The following AIG1 variants were observed in gnomAD, a reference collection of about 807,000 sequenced individuals.
AIG1 encodes androgen induced 1, also known as androgen-induced gene 1 protein.
In AIG1, 23 loss-of-function variants were observed where a neutral mutation model predicts 31.4. That is an observed-to-expected ratio of 0.73 (90% CI 0.53 to 1.04). The LOEUF (loss-of-function observed/expected upper bound fraction) is 1.04, where lower values mean the gene tolerates loss of function less well. Among genes scored for constraint, AIG1 ranks in the 50% least tolerant of loss-of-function variants. The pLI is 0.00. For missense variants in AIG1, 274 were observed against 295.0 expected, an observed-to-expected ratio of 0.93 and a Z score of 0.52; for synonymous variants, 100 against 110.5, an observed-to-expected ratio of 0.90 and a Z score of 0.60.
At position 143,333,955 on chromosome 6, in the gene AIG1, A is replaced by G; in HGVS notation, c.679+510A>G. ...GATGCTCCGGCCACCTTGACTCACC[A>G]GTGGCTGTCACGGAAAGTCTGAAAG... On this transcript the variant is annotated intron_variant, in intron 5 of 5. Transcript: ENST00000357847. The surrounding 1 kb of genome is among the most constrained non-coding windows in gnomAD (Gnocchi z 4.6). 1.0e-6 allele frequency: 1 copy of G among 1,000,194 alleles called. No homozygotes were observed. Among genetic ancestry groups the G allele is most frequent in the Non-Finnish European group, 1.5e-6 (1 of 663,898 alleles). 62.0% of individuals were successfully genotyped at this position (1,000,194 alleles called of 1,614,324 possible).
chr6:143,106,916 CT>C (rs1380082057), intron 1 of AIG1, among the ~76,000 whole-genome samples: 1 of 152,162 alleles, frequency 6.6e-6, no homozygotes, highest in Non-Finnish European at 1.5e-5. Context: ...TCTCTCGGGC[CT>C]CTTTTATAAG....
At chr6:143,294,769 C>T (rs1289445583) in intron 4 of AIG1, among the ~76,000 whole-genome samples, 2 of 152,160 alleles carry the variant, frequency 1.3e-5, no homozygotes, top group East Asian at 3.9e-4. Flanking sequence ...TCCTGATACA[C>T]TCTGTTCCTC....
At chr6:143,339,481 C>T (rs920735113) in intron 5 of AIG1, 158 bp from the exon 6 acceptor site, 18 of 630,384 alleles carry the variant, frequency 2.9e-5, no homozygotes, top group Admixed American at 1.4e-4. Flanking sequence ...CATGGCTTTC[C>T]TTCTTAGCTA....
intron 3 of AIG1, among the ~76,000 whole-genome samples, chr6:143,196,173 A>G (rs1236319490): frequency 6.6e-6 from 1 of 152,228 alleles, no homozygotes; most frequent in Non-Finnish European, 1.5e-5. Context: ...ATCCTTTTCT[A>G]TATTGATCTG....
intron 1 of AIG1, among the ~76,000 whole-genome samples, chr6:143,099,831 A>G (rs1161968123): frequency 6.6e-6 from 1 of 152,156 alleles, no homozygotes; most frequent in African/African-American, 2.4e-5. Flanking sequence ...AATTGGAAGG[A>G]TGATATGTAA....
chr6:143,245,930 T>G (rs559998632), intron 3 of AIG1, among the ~76,000 whole-genome samples: 2 of 152,204 alleles, frequency 1.3e-5, no homozygotes, highest in Admixed American at 1.3e-4. Context: ...GTCCCATCTT[T>G]TGGCTTCCCT....
chr6:143,343,483 G>A (rs933937560), downstream of AIG1: 11 of 266,144 alleles, frequency 4.1e-5, no homozygotes, highest in Non-Finnish European at 7.5e-5. Context: ...CCGCCTGGAA[G>A]ACGCCAGCAT....
intron 3 of AIG1, among the ~76,000 whole-genome samples, chr6:143,244,179 A>G (rs375843934): frequency 2.6e-5 from 4 of 152,250 alleles, no homozygotes; most frequent in East Asian, 1.9e-4. Flanking sequence ...AGAAGGAGGA[A>G]TAACTATTCC....
intron 3 of AIG1, among the ~76,000 whole-genome samples, chr6:143,278,530 G>T (rs566887961): frequency 6.7e-6 from 1 of 149,614 alleles, no homozygotes; most frequent in Non-Finnish European, 1.5e-5. Flanking sequence ...GTGCGGTGGC[G>T]TGATCTCGGC....
At position 143,100,843 on chromosome 6, in the gene AIG1, C is replaced by A. The variant is rs1028580562; in HGVS notation, c.142-35992C>A. On this transcript the variant is annotated intron_variant, in intron 1 of 5. Coordinates refer to ENST00000357847, the MANE Select transcript of AIG1 (RefSeq NM_016108.4). ...GGGATTACAGCCACTCACCACTACA[C>A]CCGGCTAATTTTTGTATTTTTAGGA... Among the ~76,000 whole-genome samples the A allele has an allele frequency of 4.4e-4, 67 of 152,014 alleles. 1 individual carries two copies. The highest frequency in any genetic ancestry group is 1.6e-3 in the African/African-American group (67 of 41,378).
intron 1 of AIG1, among the ~76,000 whole-genome samples, chr6:143,077,212 A>G (rs192694255): frequency 2.0e-5 from 3 of 152,334 alleles, no homozygotes; most frequent in Admixed American, 1.3e-4. Context: ...AGATAAGGTT[A>G]TAATTTTTGC....
At chr6:143,267,665 T>A (rs985585719) in intron 3 of AIG1, among the ~76,000 whole-genome samples, 1 of 152,188 alleles carries the variant, frequency 6.6e-6, no homozygotes, top group Non-Finnish European at 1.5e-5. Flanking sequence ...CTACCAGATA[T>A]CATAGACTTA....
chr6:143,132,189 A>G (rs1434825594), intron 1 of AIG1, among the ~76,000 whole-genome samples: 2 of 152,142 alleles, frequency 1.3e-5, no homozygotes, highest in Non-Finnish European at 2.9e-5. Context: ...AATCTTTTAT[A>G]TTTATTTTCA....
chr6:143,141,052 G>C (rs1001734208), intron 2 of AIG1, among the ~76,000 whole-genome samples: 4 of 152,220 alleles, frequency 2.6e-5, no homozygotes, highest in Admixed American at 1.3e-4. Flanking sequence ...GTCAGAAGTT[G>C]AAAGGGAAAG....
intron 3 of AIG1, among the ~76,000 whole-genome samples, chr6:143,168,345 G>A (rs1787162740): frequency 6.6e-6 from 1 of 151,582 alleles, no homozygotes; most frequent in Non-Finnish European, 1.5e-5. Context: ...CCATGTTGGT[G>A]TGCTGCACCC....
intron 1 of AIG1, among the ~76,000 whole-genome samples, chr6:143,098,676 T>C (rs1447109107): frequency 1.3e-5 from 2 of 152,206 alleles, no homozygotes. Flanking sequence ...AAAAAACTTT[T>C]CTTGATTTTA....
chr6:143,188,677 C>A, intron 3 of AIG1: 1 of 984,082 alleles, frequency 1.0e-6, no homozygotes, highest in Non-Finnish European at 1.2e-6. Context: ...ATAAATAGGA[C>A]CATCCAACCC....
intron 3 of AIG1, chr6:143,189,750 C>T (rs1562474789): frequency 1.0e-6 from 1 of 985,074 alleles, no homozygotes; most frequent in Non-Finnish European, 1.2e-6. Context: ...TTAGAGCCCT[C>T]TTATATTAAT....
chr6:143,262,917 A>G (rs902119452), intron 3 of AIG1, among the ~76,000 whole-genome samples: 2 of 152,154 alleles, frequency 1.3e-5, no homozygotes, highest in Non-Finnish European at 2.9e-5. Context: ...TCCCCTTTAC[A>G]TTCCTCCTCA....
Sources: allele counts gnomAD v4.1 joint callset (sites outside exome capture counted in the v4.1 genomes callset), GRCh38; gene constraint gnomAD v4.1.1; non-coding constraint Gnocchi (gnomAD v3.1); transcripts MANE v1.5; gene names NCBI Gene and HGNC (gene_info 2026-07-23, HGNC 2026-07-21).